PIERCE1: variants seen among roughly 807,000 people sequenced by gnomAD.
The protein encoded by PIERCE1 is piercer of microtubule wall 1 protein.
the PIERCE1 span, among the ~76,000 whole-genome samples, chr9:135,497,199 C>T: frequency 1.3e-5 from 2 of 152,202 alleles, no homozygotes; most frequent in Non-Finnish European, 2.9e-5. Flanking sequence ...GGAAAAGAGA[C>T]TCCAGACGGA....
the PIERCE1 span, chr9:135,495,214 A>T: frequency 2.0e-6 from 1 of 500,234 alleles, no homozygotes; most frequent in Non-Finnish European, 3.5e-6. Context: ...TGCAAAGTCA[A>T]CCATTAGCAT....
At chr9:135,495,455 T>C in the PIERCE1 span, 1 of 1,614,004 alleles carries the variant, frequency 6.2e-7, no homozygotes, top group African/African-American at 1.3e-5. Flanking sequence ...CCTGTTGATG[T>C]TGTAACTGGG....
At chr9:135,498,494 A>G in the PIERCE1 span, 1 of 1,067,270 alleles carries the variant, frequency 9.4e-7, no homozygotes, top group Non-Finnish European at 1.4e-6. The surrounding 1 kb of genome is among the most constrained non-coding windows in gnomAD (Gnocchi z 4.1). Flanking sequence ...TCCCCGTCTC[A>G]TTGTTGACCT....
the PIERCE1 span, chr9:135,498,798 C>A: frequency 3.9e-6 from 3 of 778,880 alleles, 1 homozygote; most frequent in Non-Finnish European, 6.5e-6. The surrounding 1 kb of genome is among the most constrained non-coding windows in gnomAD (Gnocchi z 4.1). Flanking sequence ...GGTGATGTGG[C>A]CTCGAAGGCA....
At chr9:135,496,038 G>T in the PIERCE1 span, among the ~76,000 whole-genome samples, 1 of 152,238 alleles carries the variant, frequency 6.6e-6, no homozygotes, top group Admixed American at 6.5e-5. Context: ...ACTGGGGCTG[G>T]GTGCGGTGGC....
At chr9:135,498,181 G>A in the PIERCE1 span, among the ~76,000 whole-genome samples, 1 of 152,090 alleles carries the variant, frequency 6.6e-6, no homozygotes. The surrounding 1 kb of genome is among the most constrained non-coding windows in gnomAD (Gnocchi z 4.1). Flanking sequence ...CAGGTTACAC[G>A]TTAACATCTC....
At chr9:135,497,257 T>C in the PIERCE1 span, among the ~76,000 whole-genome samples, 1 of 152,234 alleles carries the variant, frequency 6.6e-6, no homozygotes, top group African/African-American at 2.4e-5. Context: ...TTGTCAGTAG[T>C]ACCTCATGCC....
the PIERCE1 span, chr9:135,498,920 G>A: frequency 8.4e-6 from 4 of 476,052 alleles, no homozygotes; most frequent in Non-Finnish European, 1.5e-5. This position sits in a 1 kb window ranked among gnomAD's most constrained non-coding sequence, Gnocchi z 4.1. Flanking sequence ...TAAAGAGCAG[G>A]CAGCCAGCAA....
chr9:135,497,787 G>A, the PIERCE1 span, among the ~76,000 whole-genome samples: 2 of 152,238 alleles, frequency 1.3e-5, no homozygotes, highest in Admixed American at 6.5e-5. Context: ...GTCTGATTAC[G>A]GGAGAGTGAT....
At chr9:135,498,717 C>T in the PIERCE1 span, 1 of 1,519,638 alleles carries the variant, frequency 6.6e-7, no homozygotes, top group Non-Finnish European at 9.1e-7. The surrounding 1 kb of genome is among the most constrained non-coding windows in gnomAD (Gnocchi z 4.1). Flanking sequence ...TCTGCACAAG[C>T]CACAGCCTTG....
At chr9:135,498,095 A>G in the PIERCE1 span, among the ~76,000 whole-genome samples, 2 of 152,238 alleles carry the variant, frequency 1.3e-5, no homozygotes, top group East Asian at 3.9e-4. This position sits in a 1 kb window ranked among gnomAD's most constrained non-coding sequence, Gnocchi z 4.1. Flanking sequence ...GGCTTCCCCA[A>G]TGGCCCACAG....
chr9:135,497,489 G>C, the PIERCE1 span, among the ~76,000 whole-genome samples: 1 of 151,896 alleles, frequency 6.6e-6, no homozygotes, highest in Non-Finnish European at 1.5e-5. Context: ...GCATGATCAA[G>C]GCTGACTGCA....
At chr9:135,496,843 GCCGGCGTGCA>G in the PIERCE1 span, among the ~76,000 whole-genome samples, 1 of 129,296 alleles carries the variant, frequency 7.7e-6, no homozygotes, top group Non-Finnish European at 1.5e-5. Context: ...AGTCACCCAC[GCCGGCGTGCA>G]ATGGCGCCAT....
the PIERCE1 span, chr9:135,499,456 G>A: frequency 1.4e-6 from 1 of 699,344 alleles, no homozygotes; most frequent in South Asian, 1.5e-5. Flanking sequence ...ACACAAATCA[G>A]TGGAGCTGAG....
At chr9:135,495,718 A>G in the PIERCE1 span, 1 of 1,118,992 alleles carries the variant, frequency 8.9e-7, no homozygotes, top group Non-Finnish European at 1.3e-6. Flanking sequence ...AAATGCAGAG[A>G]AGCCAGAGTG....
At chr9:135,495,233 T>C in the PIERCE1 span, 5 of 564,844 alleles carry the variant, frequency 8.9e-6, no homozygotes, top group Middle Eastern at 4.6e-4. Flanking sequence ...ATCTTTCCCA[T>C]GTACTTATTA....
At chr9:135,495,578 T>C in the PIERCE1 span, 1 of 1,613,778 alleles carries the variant, frequency 6.2e-7, no homozygotes, top group Non-Finnish European at 8.5e-7. Context: ...CGCTGCAAGT[T>C]GTTGGGAAAA....
the PIERCE1 span, chr9:135,495,368 A>C: frequency 6.8e-7 from 1 of 1,465,208 alleles, no homozygotes; most frequent in Non-Finnish European, 9.3e-7. Context: ...GTGATGAGGG[A>C]TGATGATTTT....
At chr9:135,497,898 T>C in the PIERCE1 span, among the ~76,000 whole-genome samples, 1 of 152,236 alleles carries the variant, frequency 6.6e-6, no homozygotes, top group Non-Finnish European at 1.5e-5. Context: ...TTTTCAGTGA[T>C]GAATGCTTTG....
Sources: gnomAD v4.1 joint callset for allele counts (sites outside exome capture counted in the v4.1 genomes callset) on GRCh38, gnomAD v4.1.1 for gene constraint, Gnocchi (gnomAD v3.1) non-coding constraint, MANE v1.5 for transcripts, NCBI Gene and HGNC (gene_info 2026-07-23, HGNC 2026-07-21) for gene names.